The following EEF1G variants were observed in gnomAD, a reference collection of about 807,000 sequenced individuals.
EEF1G encodes the protein elongation factor 1-gamma.
In EEF1G, 14 loss-of-function variants were observed where a neutral mutation model predicts 58.3. The ratio of observed to expected loss-of-function variants is 0.24; its 90% CI spans 0.16 to 0.38. The LOEUF (loss-of-function observed/expected upper bound fraction) is 0.38, where lower values mean the gene tolerates loss of function less well. Among genes scored for constraint, EEF1G ranks in the 10% least tolerant of loss-of-function variants. EEF1G has a pLI of 1.00. For missense variants in EEF1G, 322 were observed against 550.1 expected (o/e 0.59, Z 4.15); for synonymous variants, 180 against 206.8 (o/e 0.87, Z 1.11).
chr11:62,564,251 T>C (rs1941530068), intron 7 of EEF1G, among the ~76,000 whole-genome samples: 2 of 151,792 alleles, frequency 1.3e-5, no homozygotes, highest in Admixed American at 1.3e-4. Flanking sequence ...TTGCCTGAGG[T>C]CAGGAGTTTG....
intron 7 of EEF1G, among the ~76,000 whole-genome samples, chr11:62,563,338 G>A (rs755925342): frequency 2.6e-5 from 4 of 151,910 alleles, no homozygotes; most frequent in East Asian, 2.0e-4. Context: ...TATTTTTACC[G>A]TGTTAGCCAG....
At chr11:62,572,910 G>C in intron 1 of EEF1G, 168 bp from the exon 2 acceptor site, 1 of 560,838 alleles carries the variant, frequency 1.8e-6, no homozygotes, top group East Asian at 3.1e-5. Flanking sequence ...AGAATCCTCC[G>C]AAATACCAAG....
chr11:62,572,943 T>C (rs1288120330), intron 1 of EEF1G: 1 of 449,198 alleles, frequency 2.2e-6, no homozygotes. Flanking sequence ...CACCAACTGC[T>C]AAATAAAGCT....
chr11:62,561,316 T>C lies in EEF1G; in HGVS notation c.858-862A>G, dbSNP rs527727838. On this transcript the variant is annotated intron_variant, in intron 7 of 9. Coordinates refer to ENST00000329251, the MANE Select transcript of EEF1G (RefSeq NM_001404.5). ...ATAGCTTGAACCCGAGAGGCAGAGG[T>C]TGCAGTGAGCAGAGATCGCGCCACT... 1.2e-4 allele frequency among the ~76,000 whole-genome samples: 18 copies of C among 151,020 alleles called. No individual in the cohort carries two copies. In the South Asian group the frequency reaches 1.7e-3, roughly 14 times the overall value.
At chr11:62,566,768 T>A in intron 7 of EEF1G, 38 bp downstream of exon 7, 1 of 1,602,402 alleles carries the variant, frequency 6.2e-7, no homozygotes, top group Non-Finnish European at 8.5e-7. Context: ...GAACAGGCCT[T>A]CTTTGGTCCC....
intron 5 of EEF1G, among the ~76,000 whole-genome samples, chr11:62,568,802 G>A (rs1469397229): frequency 1.3e-5 from 2 of 151,628 alleles, no homozygotes; most frequent in African/African-American, 4.8e-5. Context: ...GTGAAACCCC[G>A]CCTCTCCTAA....
At chr11:62,573,642 G>T in intron 1 of EEF1G, 189 bp downstream of exon 1, 1 of 779,820 alleles carries the variant, frequency 1.3e-6, no homozygotes, top group African/African-American at 1.7e-5. Flanking sequence ...TTCCACCTCT[G>T]GCCTCCGAGA....
intron 7 of EEF1G, among the ~76,000 whole-genome samples, chr11:62,564,645 C>T (rs557268296): frequency 1.4e-3 from 216 of 149,694 alleles, no homozygotes; most frequent in African/African-American, 5.2e-3. Context: ...GCCTGTAGTC[C>T]CAGCTACTCA....
chr11:62,570,113 G>A (rs915751076), intron 5 of EEF1G, among the ~76,000 whole-genome samples: 1 of 151,368 alleles, frequency 6.6e-6, no homozygotes, highest in Non-Finnish European at 1.5e-5. Flanking sequence ...CCAGGCTGGA[G>A]CACAGTAGCT....
In EEF1G at chr11:62,564,758, C is replaced by CAAAAAAAA. The variant is rs34663205; in HGVS notation, c.857+2040_857+2047dup. 1.3e-4 allele frequency among the ~76,000 whole-genome samples: 10 copies of CAAAAAAAA among 75,046 alleles called. 1 individual carries two copies. The highest frequency in any genetic ancestry group is 7.9e-4 in the East Asian group (1 of 1,258). The allele number at this position is 75,046 out of a possible 152,430, so 49.2% of individuals were successfully genotyped here. ...TGGGCGACAGAGCCAGACTCCATCT[C>CAAAAAAAA]AAAAAAAAAAAAAAAAAAAAAAAAG... is the stretch of plus-strand genomic sequence containing the variant. On this transcript the variant is annotated intron_variant, in intron 7 of 9. Coordinates refer to ENST00000329251, the MANE Select transcript of EEF1G (RefSeq NM_001404.5).
At chr11:62,561,077 C>T (rs992858595) in intron 7 of EEF1G, among the ~76,000 whole-genome samples, 2 of 152,182 alleles carry the variant, frequency 1.3e-5, no homozygotes, top group African/African-American at 4.8e-5. Flanking sequence ...ACTCCCTCCA[C>T]GATTGGTGCT....
rs1941646609 is a variant in EEF1G at position 62,572,508 on chromosome 11, G to A, written c.171+76C>T. On this transcript the variant is annotated intron_variant, in intron 2 of 9. Transcript: ENST00000329251. ...TGGGAAGCTCCCTTTTAGAGATGGG[G>A]GCCACCACCAGAGTGACAGAATCGC... The A allele has an allele frequency of 3.8e-6, 6 of 1,563,070 alleles. No homozygotes were observed. The South Asian group carries it at 4.6e-5, about 12-fold the overall frequency.
At chr11:62,570,580 GA>G (rs1163866368) in intron 5 of EEF1G, among the ~76,000 whole-genome samples, 12 of 152,146 alleles carry the variant, frequency 7.9e-5, no homozygotes, top group African/African-American at 2.9e-4. Context: ...GTTTTGACAC[GA>G]AGTCTCACTC....
chr11:62,561,683 A>AAAAAAAAAAAAC (rs1941497449), intron 7 of EEF1G, among the ~76,000 whole-genome samples: 2 of 6,938 alleles, frequency 2.9e-4, no homozygotes, highest in Non-Finnish European at 7.0e-4. Context: ...AAAAAAAAAC[A>AAAAAAAAAAAAC]AAAAAAAAAA....
intron 4 of EEF1G, 25 bp from the exon 5 acceptor site, chr11:62,571,133 C>CAGTGTTACCA (rs1941625683): frequency 6.2e-7 from 1 of 1,613,636 alleles, no homozygotes; most frequent in Admixed American, 1.7e-5. Context: ...TGATAAAACT[C>CAGTGTTACCA]ATCAGTGGGT....
At position 62,571,780 on chromosome 11, in the gene EEF1G, T is replaced by C. The variant is rs796920867; in HGVS notation, c.235+58A>G. On this transcript the variant is annotated intron_variant, in intron 3 of 9. Coordinates refer to ENST00000329251, the MANE Select transcript of EEF1G (RefSeq NM_001404.5). ...TCATATCCACCCCCGCTCACACTTATCCTCTCCTACACCCTCACCTCCAAA... is the reference window on the plus strand; with the variant it reads ...TCATATCCACCCCCGCTCACACTTACCCTCTCCTACACCCTCACCTCCAAA... 2.6e-5 allele frequency: 41 copies of C among 1,565,304 alleles called. No homozygotes were observed. The African/African-American group carries it at 5.0e-4, about 19-fold the overall frequency.
intron 8 of EEF1G, 26 bp from the exon 9 acceptor site, chr11:62,560,219 G>A (rs749553281): frequency 6.2e-7 from 1 of 1,614,026 alleles, no homozygotes; most frequent in Non-Finnish European, 8.5e-7. Context: ...AGAACATTCA[G>A]CCTTTGGAAT....
intron 5 of EEF1G, among the ~76,000 whole-genome samples, chr11:62,568,449 T>C (rs1290272109): frequency 6.6e-6 from 1 of 150,968 alleles, no homozygotes; most frequent in Admixed American, 6.6e-5. Flanking sequence ...TTGCCCAGGC[T>C]TATCTTGAAC....
chr11:62,560,153 G>A lies in EEF1G; in HGVS notation c.1071C>T (p.Phe357=), dbSNP rs1264462270. The change falls in exon 9 of 10, where the codon TTC becomes TTT. Residue 357 remains phenylalanine (F), a synonymous_variant. Transcript: ENST00000329251. ...TGGTTCCAAAAAGGATGACACTGGCGAAGGCATTCTTCCTCAGCTTGTCCA... is the reference window on the plus strand; with the variant it reads ...TGGTTCCAAAAAGGATGACACTGGCAAAGGCATTCTTCCTCAGCTTGTCCA... ...QRLDKLRKNA[F]ASVILFGTNN... The A allele has an allele frequency of 1.4e-5, 22 of 1,613,938 alleles. No individual in the cohort carries two copies. Among genetic ancestry groups the A allele is most frequent in the Admixed American group, 1.7e-5 (1 of 60,012 alleles).
Sources: gnomAD v4.1 joint callset for allele counts (sites outside exome capture counted in the v4.1 genomes callset) on GRCh38, gnomAD v4.1.1 for gene constraint, MANE v1.5 for transcripts, NCBI Gene and HGNC (gene_info 2026-07-23, HGNC 2026-07-21) for gene names.